The following DLG2 variants were observed in gnomAD, a reference collection of about 807,000 sequenced individuals.
DLG2 encodes the protein discs large MAGUK scaffold protein 2.
In DLG2, 45 loss-of-function variants were observed where a neutral mutation model predicts 132.5. The ratio of observed to expected loss-of-function variants is 0.34; its 90% CI spans 0.27 to 0.44. The LOEUF (loss-of-function observed/expected upper bound fraction) is 0.44. Ranked by LOEUF, DLG2 falls within the 20% of genes least tolerant of loss-of-function variation. The pLI, the probability that DLG2 is intolerant of heterozygous loss-of-function variation, is 1.00. For synonymous variants in DLG2, 424 were observed against 419.6 expected (o/e 1.01, Z -0.13); for missense variants, 1,045 against 1,196.9 (o/e 0.87, Z 1.87).
At chr11:84,143,823 C>T (rs982291716) in intron 9 of DLG2, among the ~76,000 whole-genome samples, 5 of 152,126 alleles carry the variant, frequency 3.3e-5, no homozygotes, top group Non-Finnish European at 5.9e-5. Flanking sequence ...CAGGGTTGAA[C>T]TCAGAAGCAG....
intron 3 of DLG2, among the ~76,000 whole-genome samples, chr11:85,569,255 C>G (rs1285154255): frequency 1.3e-5 from 2 of 152,296 alleles, no homozygotes; most frequent in East Asian, 3.9e-4. Context: ...TGGCCTCAAA[C>G]TCCTGACCTC....
chr11:83,818,710 C>T lies in DLG2; in HGVS notation c.1722+14904G>A, dbSNP rs569540242. ...GTATGAAAGCTATATATATTTTTTC[C>T]TTCAGGGAAAGATGGTGAGCCACCC... is the stretch of plus-strand genomic sequence containing the variant. On this transcript the variant is annotated intron_variant, in intron 17 of 27. Transcript: ENST00000376104. 3.9e-5 allele frequency among the ~76,000 whole-genome samples: 6 copies of T among 152,132 alleles called. No individual in the cohort carries two copies. In the South Asian group the frequency reaches 6.2e-4, roughly 16 times the overall value.
At chr11:83,818,730 C>T (rs558869229) in intron 17 of DLG2, among the ~76,000 whole-genome samples, 18 of 152,084 alleles carry the variant, frequency 1.2e-4, no homozygotes, top group African/African-American at 4.1e-4. Flanking sequence ...AGATGGTGAG[C>T]CACCCAAGGT....
chr11:85,407,176 T>C (rs181910254), intron 3 of DLG2, among the ~76,000 whole-genome samples: 11 of 151,932 alleles, frequency 7.2e-5, no homozygotes, highest in African/African-American at 2.7e-4. Context: ...ATGTATGATG[T>C]TTCAGGCCAT....
chr11:84,763,485 A>G (rs1417787571), intron 6 of DLG2: 1 of 152,108 alleles, frequency 6.6e-6, no homozygotes, highest in Non-Finnish European at 1.5e-5. Flanking sequence ...CCATATTTCA[A>G]TGATCACATT....
intron 6 of DLG2, 103 bp from the exon 7 acceptor site, chr11:84,534,834 A>G: frequency 7.4e-7 from 1 of 1,353,534 alleles, no homozygotes; most frequent in African/African-American, 1.4e-5. Flanking sequence ...CACAGTGTGC[A>G]CCTACTGTTG....
chr11:85,625,691 G>A (rs912485660), intron 2 of DLG2, among the ~76,000 whole-genome samples: 1 of 152,096 alleles, frequency 6.6e-6, no homozygotes, highest in Non-Finnish European at 1.5e-5. Flanking sequence ...TCACATAACT[G>A]GACAACATTT....
intron 3 of DLG2, among the ~76,000 whole-genome samples, chr11:85,337,773 C>T (rs140215037): frequency 2.6e-5 from 4 of 152,296 alleles, no homozygotes; most frequent in African/African-American, 4.8e-5. Context: ...AATGACAAAA[C>T]TGCCTAATGA....
chr11:84,344,266 C>T (rs1173416637), intron 7 of DLG2, among the ~76,000 whole-genome samples: 6 of 152,110 alleles, frequency 3.9e-5, no homozygotes, highest in African/African-American at 1.4e-4. Context: ...ACTATATGAC[C>T]TTGTGTGTAA....
intron 6 of DLG2, among the ~76,000 whole-genome samples, chr11:84,880,527 AAAT>A (rs1200017008): frequency 6.6e-6 from 1 of 152,092 alleles, no homozygotes; most frequent in Non-Finnish European, 1.5e-5. Flanking sequence ...AATAAATATA[AAAT>A]AATTAAAAGA....
At position 85,105,958 on chromosome 11, in the gene DLG2, T is replaced by C. The variant is rs1316486607; in HGVS notation, c.357+5703A>G. Among the ~76,000 whole-genome samples, 9 of 147,060 alleles carry C rather than the reference T, an allele frequency of 6.1e-5. No individual in the cohort carries two copies. In the Admixed American group the frequency reaches 6.1e-4, roughly 10 times the overall value. The stretch of plus-strand genomic sequence containing the variant: ...CCAAATTAGGTCACACAATGCATTC[T>C]GGGAAAAAAAGGGTTGGGAGGAACT... On this transcript the variant is annotated intron_variant, in intron 6 of 27. Transcript: ENST00000376104.
intron 7 of DLG2, among the ~76,000 whole-genome samples, chr11:84,433,924 T>C (rs1314722651): frequency 1.3e-5 from 2 of 151,752 alleles, no homozygotes; most frequent in East Asian, 3.9e-4. Context: ...CGAGACCACT[T>C]TGGGGAACAT....
At chr11:83,709,727 AG>A (rs1368355104) in intron 18 of DLG2, among the ~76,000 whole-genome samples, 1 of 152,222 alleles carries the variant, frequency 6.6e-6, no homozygotes, top group East Asian at 1.9e-4. Flanking sequence ...CTGTTGATAC[AG>A]GTCTTCAGAA....
At chr11:84,235,919 AACATATGT>A (rs113732108) in intron 8 of DLG2, among the ~76,000 whole-genome samples, 138 of 152,334 alleles carry the variant, frequency 9.1e-4, no homozygotes, top group African/African-American at 3.2e-3. Flanking sequence ...TGAATAAATT[AACATATGT>A]ACAAAATTTT....
In DLG2 at chr11:83,833,790, A is replaced by G; in HGVS notation, c.1566-20T>C. On this transcript the variant is annotated intron_variant, in intron 16 of 27. Transcript: ENST00000376104. Reference sequence around the variant, plus strand: ...GGCTCTCTGCAGAAAGAAATAGAGAACACAGCTCAGAGGGTGATCCATTTA... The same window carrying G: ...GGCTCTCTGCAGAAAGAAATAGAGAGCACAGCTCAGAGGGTGATCCATTTA... The G allele has an allele frequency of 6.2e-7, 1 of 1,611,914 alleles. No homozygotes were observed. The highest frequency in any genetic ancestry group is 8.5e-7 in the Non-Finnish European group (1 of 1,178,744).
chr11:84,632,869 C>T (rs2099634407), intron 6 of DLG2, among the ~76,000 whole-genome samples: 1 of 152,172 alleles, frequency 6.6e-6, no homozygotes, highest in Admixed American at 6.6e-5. Context: ...TGCACGCAAG[C>T]TCCTGTCTTT....
chr11:84,023,621 A>G (rs1024551275), intron 11 of DLG2, among the ~76,000 whole-genome samples: 3 of 152,314 alleles, frequency 2.0e-5, no homozygotes, highest in Admixed American at 6.5e-5. Flanking sequence ...TGGTTTCTCA[A>G]TAAATATATT....
intron 9 of DLG2, among the ~76,000 whole-genome samples, chr11:84,110,014 A>T (rs1326866904): frequency 1.3e-5 from 2 of 152,130 alleles, no homozygotes; most frequent in African/African-American, 4.8e-5. Context: ...AGTTTAGAAC[A>T]TCTTTAGTTC....
At chr11:85,598,935 A>T (rs2079966718) in intron 2 of DLG2, 147 bp from the exon 3 acceptor site, 2 of 362,768 alleles carry the variant, frequency 5.5e-6, no homozygotes, top group Admixed American at 4.6e-5. Flanking sequence ...CCATATGAAA[A>T]TAATTATACT....
Sources: gnomAD v4.1 joint callset for allele counts (sites outside exome capture counted in the v4.1 genomes callset) on GRCh38, gnomAD v4.1.1 for gene constraint, MANE v1.5 for transcripts, NCBI Gene and HGNC (gene_info 2026-07-23, HGNC 2026-07-21) for gene names.